The following TRIP12 variants were observed in gnomAD, a reference collection of about 807,000 sequenced individuals.
TRIP12 encodes E3 ubiquitin-protein ligase TRIP12.
A neutral mutation model predicts 244.2 loss-of-function variants in TRIP12; 25 were observed. The ratio of observed to expected loss-of-function variants is 0.10; its 90% CI spans 0.07 to 0.14. The LOEUF (loss-of-function observed/expected upper bound fraction) is 0.14, where lower values mean the gene tolerates loss of function less well. Among genes scored for constraint, TRIP12 ranks in the 10% least tolerant of loss-of-function variants. The probability of loss-of-function intolerance (pLI) is 1.00; values close to 1 mark genes in which losing one functional copy is unlikely to be tolerated. For missense variants in TRIP12, 1,677 were observed against 2,486.4 expected, an observed-to-expected ratio of 0.67 and a Z score of 6.92; for synonymous variants, 905 against 873.1, an observed-to-expected ratio of 1.04 and a Z score of -0.64.
chr2:229,824,590 C>T (rs558498836), intron 8 of TRIP12, among the ~76,000 whole-genome samples: 54 of 152,292 alleles, frequency 3.5e-4, no homozygotes, highest in Non-Finnish European at 6.8e-4. Context: ...AATGGAGTAA[C>T]GTGGCAGCTT....
chr2:229,840,015 A>G (rs976795462), intron 5 of TRIP12, among the ~76,000 whole-genome samples: 2 of 152,240 alleles, frequency 1.3e-5, no homozygotes, highest in African/African-American at 4.8e-5. Context: ...TTCCCCCTCC[A>G]TTCATTAAAC....
In TRIP12 at chr2:229,767,760, A is replaced by T; in HGVS notation, c.6008-10T>A. On this transcript the variant is annotated splice_polypyrimidine_tract_variant and intron_variant, in intron 41 of 41. Coordinates refer to ENST00000675903, the MANE Select transcript of TRIP12 (RefSeq NM_001348323.3). The stretch of plus-strand genomic sequence containing the variant: ...TTCAAACTCCGGAATCCTGATTAAG[A>T]GAAAAAGAAAGACAAGGAACTTAAG... 1 of 1,597,914 alleles carries T rather than the reference A, an allele frequency of 6.3e-7. No homozygotes were observed.
At chr2:229,797,397 A>G (rs989310439) in intron 24 of TRIP12, among the ~76,000 whole-genome samples, 4 of 152,200 alleles carry the variant, frequency 2.6e-5, no homozygotes, top group African/African-American at 4.8e-5. Context: ...GATGACTTAG[A>G]AAACAGATGT....
intron 26 of TRIP12, 96 bp from the exon 27 acceptor site, chr2:229,793,241 A>G (rs1390596429): frequency 1.1e-5 from 14 of 1,254,218 alleles, no homozygotes; most frequent in East Asian, 2.5e-5. Flanking sequence ...CTGCATTTTC[A>G]TAAGACACAC....
rs2047067695 is a variant in TRIP12 at position 229,810,761 on chromosome 2, TAC to T, written c.2221+117_2221+118del. ...TTTATTACATATTAACACTTTTCTT[TAC>T]TATCCAATGCCTATAATATTAGTAA... On this transcript the variant is annotated intron_variant, in intron 15 of 41. Coordinates refer to ENST00000675903, the MANE Select transcript of TRIP12 (RefSeq NM_001348323.3). 5 of 993,572 alleles carry T rather than the reference TAC, an allele frequency of 5.0e-6. No individual in the cohort carries two copies. In the African/African-American group the frequency reaches 6.6e-5, roughly 13 times the overall value. 61.5% of individuals were successfully genotyped at this position (993,572 alleles called of 1,614,324 possible).
At chr2:229,870,653 C>T (rs994057193) in intron 2 of TRIP12, among the ~76,000 whole-genome samples, 2 of 152,066 alleles carry the variant, frequency 1.3e-5, no homozygotes, top group African/African-American at 2.4e-5. Flanking sequence ...ATCAAAATTA[C>T]TAAAGAAGGA....
chr2:229,822,888 C>T (rs929390915), intron 8 of TRIP12, among the ~76,000 whole-genome samples: 1 of 152,096 alleles, frequency 6.6e-6, no homozygotes, highest in African/African-American at 2.4e-5. Context: ...AATCAAAAAA[C>T]TATTCAGAAC....
At chr2:229,780,438 AGCGTAATCCTTACAAAACACAAGTTC>A (rs2037732560) in intron 34 of TRIP12, among the ~76,000 whole-genome samples, 1 of 152,194 alleles carries the variant, frequency 6.6e-6, no homozygotes, top group Non-Finnish European at 1.5e-5. Flanking sequence ...CACAGGAGCA[AGCGTAATCCTTACAAAACACAAGTTC>A]GCGGCATCCC....
In TRIP12 at chr2:229,778,356, T is replaced by TA; in HGVS notation, c.5364+76dup. On this transcript the variant is annotated intron_variant, in intron 36 of 41. Transcript: ENST00000675903. The surrounding 1 kb of genome is among the most constrained non-coding windows in gnomAD (Gnocchi z 4.1). ...GAAGCATTGCTCTAAACTATAGCAG[T>TA]AAACTACAGGGGACTGAGGTACTTG... The TA allele has an allele frequency of 6.5e-7, 1 of 1,544,928 alleles. No individual in the cohort carries two copies. Among genetic ancestry groups the TA allele is most frequent in the Non-Finnish European group, 8.8e-7 (1 of 1,131,832 alleles).
chr2:229,827,778 C>T (rs754064783), intron 8 of TRIP12, among the ~76,000 whole-genome samples: 5 of 152,138 alleles, frequency 3.3e-5, no homozygotes, highest in Non-Finnish European at 7.3e-5. Context: ...TTGAATGCAG[C>T]CCAACAAAAA....
chr2:229,819,607 T>C (rs1434978588), intron 8 of TRIP12, among the ~76,000 whole-genome samples: 1 of 152,198 alleles, frequency 6.6e-6, no homozygotes, highest in Non-Finnish European at 1.5e-5. Context: ...TCATGGACAC[T>C]TTCCTACTTG....
chr2:229,766,917 A>G lies in TRIP12; in HGVS notation c.*637T>C, dbSNP rs1464941751. 1 of 152,232 alleles carries G rather than the reference A, an allele frequency of 6.6e-6. No homozygotes were observed. The highest frequency in any genetic ancestry group is 1.5e-5 in the Non-Finnish European group (1 of 68,046). The allele number at this position is 152,232 out of a possible 1,614,324, so 9.4% of individuals were successfully genotyped here. On this transcript the variant is annotated 3_prime_UTR_variant, in exon 42 of 42. Transcript: ENST00000675903. ...AGCTGAATTATATTCAATAAATTTC[A>G]ATCCAATGAATTTTAAATTAGATCT...
chr2:229,899,927 A>C (rs2070134269), intron 1 of TRIP12, among the ~76,000 whole-genome samples: 1 of 152,238 alleles, frequency 6.6e-6, no homozygotes, highest in South Asian at 2.1e-4. Flanking sequence ...ATAATCTTCC[A>C]AACAAACTGC....
chr2:229,914,223 T>C (rs1447822674), intron 1 of TRIP12, among the ~76,000 whole-genome samples: 1 of 151,774 alleles, frequency 6.6e-6, no homozygotes, highest in Admixed American at 6.6e-5. Flanking sequence ...AAAATAATAA[T>C]AAAAATAATA....
intron 17 of TRIP12, 153 bp from the exon 18 acceptor site, chr2:229,806,036 T>C (rs2045796196): frequency 5.3e-6 from 3 of 567,656 alleles, no homozygotes; most frequent in South Asian, 4.8e-5. Context: ...ATAGTGTAGA[T>C]ATGACAAAAC....
chr2:229,844,724 G>A (rs1175737743), intron 4 of TRIP12, among the ~76,000 whole-genome samples: 5 of 140,074 alleles, frequency 3.6e-5, no homozygotes, highest in African/African-American at 1.2e-4. Flanking sequence ...TGAGGGAAGT[G>A]GATTTAAGAT....
intron 5 of TRIP12, among the ~76,000 whole-genome samples, chr2:229,838,434 A>G (rs1369875420): frequency 6.6e-6 from 1 of 152,196 alleles, no homozygotes; most frequent in South Asian, 2.1e-4. Flanking sequence ...ACTAATTCAG[A>G]AAAGATTTGC....
rs755854475 is a variant in TRIP12 at position 229,767,598 on chromosome 2, A to G, written c.6160T>C (p.Leu2054=). 17 of 1,613,572 alleles carry G rather than the reference A, an allele frequency of 1.1e-5. No homozygotes were observed. In the Admixed American group the frequency reaches 2.8e-4, roughly 27 times the overall value. The change falls in exon 42 of 42, where the codon TTG becomes CTG. Residue 2054 remains leucine (L), a synonymous_variant. Transcript: ENST00000675903. ...TGCTGCCCTTCTCTTGCTGCTATCA[A>G]CAGTTTTTCACGCATTATCTCAATG... ...SSIEIMREKL[L]IAAREGQQSF...
rs142844781 is a variant in TRIP12, at chr2:229,793,127, T to G, written c.3987A>C (p.Gly1329=). The G allele has an allele frequency of 7.7e-5, 125 of 1,613,210 alleles. No homozygotes were observed. The African/African-American group carries it at 1.5e-3, about 19-fold the overall frequency. Reference sequence around the variant, plus strand: ...TGTTGAAAAATTTTAAAGCCTGTGATCCTCTGTTGAGAGAAAAGCTCAAGA... The same window carrying G: ...TGTTGAAAAATTTTAAAGCCTGTGAGCCTCTGTTGAGAGAAAAGCTCAAGA... ...GTGGSFSLNR[G]SQALKFFNTH... is the part of the protein sequence containing the mutation. Residue 1329 remains glycine, a synonymous_variant, in exon 27 of 42, where the codon GGA becomes GGC. Coordinates refer to ENST00000675903, the MANE Select transcript of TRIP12 (RefSeq NM_001348323.3).
Sources: gnomAD v4.1 joint callset for allele counts (sites outside exome capture counted in the v4.1 genomes callset) on GRCh38, gnomAD v4.1.1 for gene constraint, Gnocchi (gnomAD v3.1) non-coding constraint, MANE v1.5 for transcripts, NCBI Gene and HGNC (gene_info 2026-07-23, HGNC 2026-07-21) for gene names.